Variants in ZNF469 observed in about 807,000 individuals in gnomAD.
The protein encoded by ZNF469 is zinc finger protein 469.
In ZNF469, 1 loss-of-function variant was observed where a neutral mutation model predicts 1.0. The observed-to-expected ratio is 1.00, with a 90% CI of 0.35 to 4.73. The LOEUF (loss-of-function observed/expected upper bound fraction) is 4.73. Among genes scored for constraint, ZNF469 ranks in the 30% most tolerant of loss-of-function variants. ZNF469 has a pLI of 0.16. For synonymous variants in ZNF469, 2,703 were observed against 2,363.4 expected (o/e 1.14, Z -4.17); for missense variants, 6,100 against 5,356.3 (o/e 1.14, Z -4.33).
the ZNF469 span, among the ~76,000 whole-genome samples, chr16:88,230,412 C>T: frequency 2.0e-5 from 3 of 152,212 alleles, no homozygotes; most frequent in African/African-American, 7.2e-5. Context: ...GTGGGCAAGT[C>T]AGGCAGGAAA....
In ZNF469 at chr16:88,439,341, A is replaced by T; in HGVS notation, c.*9A>T. On this transcript the variant is annotated 3_prime_UTR_variant, in exon 3 of 3. Coordinates refer to ENST00000565624, the MANE Select transcript of ZNF469 (RefSeq NM_001367624.2). Reference sequence around the variant, plus strand: ...AAGATGCTTCCGAGTAATTTCTAGGAGCAAGAGCCTGGGACCGGAGCTGGG... The same window carrying T: ...AAGATGCTTCCGAGTAATTTCTAGGTGCAAGAGCCTGGGACCGGAGCTGGG... The T allele has an allele frequency of 6.5e-7, 1 of 1,550,182 alleles. No individual in the cohort carries two copies. Among genetic ancestry groups the T allele is most frequent in the Non-Finnish European group, 8.7e-7 (1 of 1,146,962 alleles).
the ZNF469 span, among the ~76,000 whole-genome samples, chr16:88,313,324 A>G: frequency 6.6e-6 from 1 of 152,272 alleles, no homozygotes; most frequent in Non-Finnish European, 1.5e-5. Flanking sequence ...ATGTAATCAT[A>G]TCAACTAAAA....
Position 88,439,927 on chromosome 16 carries a change from G to GGGTCATGCCTCCTCCCTCTGACCACAT in ZNF469, c.*604_*605insTCCTCCCTCTGACCACATGGTCATGCC. On this transcript the variant is annotated 3_prime_UTR_variant, in exon 3 of 3. Transcript: ENST00000565624. ...GTCATGCCTCCTCCCTCTGACCACA[G>GGGTCATGCCTCCTCCCTCTGACCACAT]GGTCATGCCAGCCTCCATTTGCTCT... 1 of 163,296 alleles carries GGGTCATGCCTCCTCCCTCTGACCACAT rather than the reference G, an allele frequency of 6.1e-6. No individual in the cohort carries two copies. The highest frequency in any genetic ancestry group is 1.6e-4 in the South Asian group (1 of 6,076). The allele number at this position is 163,296 out of a possible 1,614,324, so 10.1% of individuals were successfully genotyped here.
At chr16:88,106,127 CCTT>C in the ZNF469 span, among the ~76,000 whole-genome samples, 6 of 152,228 alleles carry the variant, frequency 3.9e-5, no homozygotes, top group Non-Finnish European at 8.8e-5. Context: ...CAGTGTGTGT[CCTT>C]CTTGGGTAGC....
chr16:88,324,203 G>C, the ZNF469 span, among the ~76,000 whole-genome samples: 1 of 152,270 alleles, frequency 6.6e-6, no homozygotes, highest in African/African-American at 2.4e-5. Flanking sequence ...CAAGAGGCAG[G>C]AAGTAGAGGC....
the ZNF469 span, among the ~76,000 whole-genome samples, chr16:88,191,286 G>A: frequency 2.0e-5 from 3 of 152,246 alleles, no homozygotes; most frequent in African/African-American, 7.2e-5. Flanking sequence ...AAGGGCACCC[G>A]AGGTTCCAGC....
chr16:88,435,227 A>G lies in ZNF469; in HGVS notation c.7757A>G (p.Lys2586Arg), dbSNP rs1360629642. ...PSPTEHEVDV[K>R]TPASKPRPDQ... Reference sequence around the variant, plus strand: ...CCTACTGAGCATGAGGTAGATGTGAAGACTCCGGCCTCCAAGCCCAGACCA... The same window carrying G: ...CCTACTGAGCATGAGGTAGATGTGAGGACTCCGGCCTCCAAGCCCAGACCA... Residue 2586 changes from lysine to arginine, a missense_variant, in exon 3 of 3, where the codon AAG becomes AGG. Lys to Arg is a conservative substitution (Grantham distance 26). Transcript: ENST00000565624. 1 of 1,550,280 alleles carries G rather than the reference A, an allele frequency of 6.5e-7. No individual in the cohort carries two copies. The highest frequency in any genetic ancestry group is 8.7e-7 in the Non-Finnish European group (1 of 1,147,000).
At chr16:88,197,272 C>G in the ZNF469 span, among the ~76,000 whole-genome samples, 1 of 152,174 alleles carries the variant, frequency 6.6e-6, no homozygotes, top group Non-Finnish European at 1.5e-5. Context: ...GTGGCACGGA[C>G]CATGGCTCAC....
the ZNF469 span, among the ~76,000 whole-genome samples, chr16:88,226,219 C>G: frequency 6.6e-6 from 1 of 152,066 alleles, no homozygotes; most frequent in Admixed American, 6.6e-5. Flanking sequence ...ATTGTGTCCC[C>G]CCAAAAGGCA....
In ZNF469 at chr16:88,428,809, C is replaced by T. The variant is rs931930346; in HGVS notation, c.1339C>T (p.Pro447Ser). Reference protein sequence around the residue: ...LPQLWDPTAAPYPTPPGGPLA... With the variant: ...LPQLWDPTAASYPTPPGGPLA... ...CCAGCTGTGGGACCCCACAGCAGCC[C>T]CTTACCCCACACCTCCTGGGGGCCC... The change falls in exon 3 of 3, where the codon CCT (proline) becomes TCT (serine). Residue 447 changes from proline to serine, a missense_variant. By Grantham distance (74) the Pro-to-Ser change is moderately conservative. Coordinates refer to ENST00000565624, the MANE Select transcript of ZNF469 (RefSeq NM_001367624.2). 1.9e-6 allele frequency: 3 copies of T among 1,547,518 alleles called. No homozygotes were observed. Among genetic ancestry groups the T allele is most frequent in the East Asian group, 2.4e-5 (1 of 40,886 alleles).
the ZNF469 span, among the ~76,000 whole-genome samples, chr16:88,174,700 T>G: frequency 2.5e-4 from 37 of 149,130 alleles, no homozygotes; most frequent in African/African-American, 9.0e-4. Flanking sequence ...CTACTTCCAC[T>G]TTACCAATAG....
the ZNF469 span, among the ~76,000 whole-genome samples, chr16:88,306,024 G>A: frequency 2.6e-5 from 4 of 152,202 alleles, no homozygotes; most frequent in Non-Finnish European, 5.9e-5. Context: ...TACACATGTG[G>A]GTGTGAATGT....
chr16:88,176,320 C>T, the ZNF469 span, among the ~76,000 whole-genome samples: 13 of 150,246 alleles, frequency 8.7e-5, no homozygotes, highest in East Asian at 1.7e-3. Context: ...ACATCACTGG[C>T]GCTGCTCCTT....
In ZNF469 at chr16:88,434,607, C is replaced by A; in HGVS notation, c.7137C>A (p.Asp2379Glu). 6.5e-7 allele frequency: 1 copy of A among 1,550,314 alleles called. No individual in the cohort carries two copies. The highest frequency in any genetic ancestry group is 8.7e-7 in the Non-Finnish European group (1 of 1,146,946). Reference sequence around the variant, plus strand: ...GGACCAGCAGCAAGGAGCCGGAGGACCCAGGGACCCCTGAGACCGGGCGCT... The same window carrying A: ...GGACCAGCAGCAAGGAGCCGGAGGAACCAGGGACCCCTGAGACCGGGCGCT... ...EMGTSSKEPE[D>E]PGTPETGRSG... The change falls in exon 3 of 3, where the codon GAC becomes GAA. Residue 2379 changes from aspartate to glutamate, a missense_variant. By Grantham distance (45) the Asp-to-Glu change is conservative (BLOSUM62 2). Coordinates refer to ENST00000565624, the MANE Select transcript of ZNF469 (RefSeq NM_001367624.2).
rs562559927 is a variant in ZNF469, at chr16:88,433,858, C to G, written c.6388C>G (p.Leu2130Val). 911 of 1,549,530 alleles carry G rather than the reference C, an allele frequency of 5.9e-4. 7 individuals carry two copies. In the African/African-American group the frequency reaches 0.011, roughly 19 times the overall value. Residue 2130 changes from leucine to valine, a missense_variant, in exon 3 of 3, where the codon CTG becomes GTG. Leu to Val is a conservative substitution (Grantham distance 32). Coordinates refer to ENST00000565624, the MANE Select transcript of ZNF469 (RefSeq NM_001367624.2). Reference sequence around the variant, plus strand: ...CCACATGCCCTGCAGCCTTGGGCCCCTGCCCCGTGAAGACCCACTTACCTC... The same window carrying G: ...CCACATGCCCTGCAGCCTTGGGCCCGTGCCCCGTGAAGACCCACTTACCTC... ...AAHMPCSLGP[L>V]PREDPLTSPS...
the ZNF469 span, among the ~76,000 whole-genome samples, chr16:88,305,475 C>T: frequency 3.4e-5 from 5 of 148,508 alleles, no homozygotes; most frequent in South Asian, 2.2e-4. Context: ...CACCCTCACA[C>T]GTGCACACAT....
the ZNF469 span, among the ~76,000 whole-genome samples, chr16:88,209,546 C>T: frequency 6.6e-6 from 1 of 152,186 alleles, no homozygotes; most frequent in East Asian, 1.9e-4. Flanking sequence ...CCACCTCGGC[C>T]TCCCAAAGTG....
At chr16:88,266,929 T>C in the ZNF469 span, among the ~76,000 whole-genome samples, 1 of 152,104 alleles carries the variant, frequency 6.6e-6, no homozygotes, top group East Asian at 1.9e-4. Flanking sequence ...TTTATAGGTG[T>C]GAGCTTGGTG....
At chr16:88,151,751 C>T in the ZNF469 span, among the ~76,000 whole-genome samples, 9 of 152,194 alleles carry the variant, frequency 5.9e-5, no homozygotes, top group African/African-American at 1.2e-4. The surrounding 1 kb of genome is among the most constrained non-coding windows in gnomAD (Gnocchi z 5.4). Flanking sequence ...GATCCTCGTT[C>T]GGCCACTTCT....
Sources: allele counts gnomAD v4.1 joint callset (sites outside exome capture counted in the v4.1 genomes callset), GRCh38; gene constraint gnomAD v4.1.1; non-coding constraint Gnocchi (gnomAD v3.1); transcripts MANE v1.5; gene names NCBI Gene and HGNC (gene_info 2026-07-23, HGNC 2026-07-21).